The following ACOT12 variants were observed in gnomAD, a reference collection of about 807,000 sequenced individuals.
The protein encoded by ACOT12 is acyl-CoA thioesterase 12.
Under a neutral mutation model 67.7 loss-of-function variants are expected in ACOT12, and 51 were observed. The ratio of observed to expected loss-of-function variants is 0.75; its 90% CI spans 0.60 to 0.95. The LOEUF (loss-of-function observed/expected upper bound fraction) is 0.95. ACOT12 is among the 40% of genes least tolerant of loss of function. The pLI is 0.00. For synonymous variants in ACOT12, 251 were observed against 244.6 expected, an observed-to-expected ratio of 1.03 and a Z score of -0.24; for missense variants, 734 against 708.1, an observed-to-expected ratio of 1.04 and a Z score of -0.41.
downstream of ACOT12, among the ~76,000 whole-genome samples, chr5:81,325,378 T>G (rs1287335041): frequency 6.6e-6 from 1 of 152,164 alleles, no homozygotes; most frequent in Non-Finnish European, 1.5e-5. Flanking sequence ...GGTCACGAAC[T>G]TAAAGTGAGA....
rs1246527301 is a variant in ACOT12 at position 81,335,399 on chromosome 5, G to C, written c.1262+369C>G. Among the ~76,000 whole-genome samples the C allele has an allele frequency of 5.3e-5, 8 of 152,246 alleles. No homozygotes were observed. In the East Asian group the frequency reaches 1.5e-3, roughly 29 times the overall value. On this transcript the variant is annotated intron_variant, in intron 12 of 14. Transcript: ENST00000307624. ...ATTTTAATTTTTGACAGGGTCTCCTGTGTCACCCAGGCTAGAGTGCAGTGG... is the reference window on the plus strand; with the variant it reads ...ATTTTAATTTTTGACAGGGTCTCCTCTGTCACCCAGGCTAGAGTGCAGTGG...
Position 81,363,904 on chromosome 5 carries a change from A to T in ACOT12, c.259-15T>A, listed in dbSNP as rs1561340914. 6.5e-7 allele frequency: 1 copy of T among 1,549,780 alleles called. No homozygotes were observed. Among genetic ancestry groups the T allele is most frequent in the Admixed American group, 1.9e-5 (1 of 53,402 alleles). ...TTGATACTGATCTAAAATGAAAAAAAGATAAATAAATACACTCTTGGCCAG... is the reference window on the plus strand; with the variant it reads ...TTGATACTGATCTAAAATGAAAAAATGATAAATAAATACACTCTTGGCCAG... On this transcript the variant is annotated splice_polypyrimidine_tract_variant and intron_variant, in intron 3 of 14. Coordinates refer to ENST00000307624, the MANE Select transcript of ACOT12 (RefSeq NM_130767.3).
intron 5 of ACOT12, among the ~76,000 whole-genome samples, chr5:81,349,441 C>T (rs191974566): frequency 1.3e-5 from 2 of 152,230 alleles, no homozygotes; most frequent in African/African-American, 4.8e-5. Flanking sequence ...GGAAGTATTA[C>T]CTTCAACAAC....
At chr5:81,319,588 A>G in the ACOT12 span, among the ~76,000 whole-genome samples, 3 of 152,060 alleles carry the variant, frequency 2.0e-5, no homozygotes, top group Non-Finnish European at 4.4e-5. Flanking sequence ...GTTGTGGTGC[A>G]TGCCTGTAAT....
the ACOT12 span, chr5:81,308,766 A>C: frequency 6.4e-7 from 1 of 1,559,074 alleles, no homozygotes; most frequent in Non-Finnish European, 8.6e-7. Flanking sequence ...AATAAATAGC[A>C]CCTTGGGTAT....
chr5:81,364,594 A>AT (rs1491384756), intron 3 of ACOT12, among the ~76,000 whole-genome samples: 29 of 151,996 alleles, frequency 1.9e-4, no homozygotes, highest in Admixed American at 1.7e-3. Flanking sequence ...CACCCAGCTA[A>AT]TTTTTTGTAT....
rs1759301259 is a variant in ACOT12 at position 81,344,223 on chromosome 5, C to CA, written c.925-9dup. On this transcript the variant is annotated splice_polypyrimidine_tract_variant and intron_variant, in intron 8 of 14. Coordinates refer to ENST00000307624, the MANE Select transcript of ACOT12 (RefSeq NM_130767.3). ...ATAGCGTCTGAAATCATCCTTTAAT[C>CA]AAAAACAAAGTAAAATCAATAAAAT... The CA allele has an allele frequency of 3.1e-6, 5 of 1,611,032 alleles. No individual in the cohort carries two copies. The highest frequency in any genetic ancestry group is 4.2e-6 in the Non-Finnish European group (5 of 1,178,780).
the ACOT12 span, among the ~76,000 whole-genome samples, chr5:81,310,365 G>T: frequency 3.3e-5 from 5 of 152,024 alleles, no homozygotes; most frequent in East Asian, 9.7e-4. Flanking sequence ...TACATTTGAT[G>T]TATATAGAAT....
At position 81,386,994 on chromosome 5, in the gene ACOT12, C is replaced by CTTTT. The variant is rs1052387807; in HGVS notation, c.128-1169_128-1168insAAAA. On this transcript the variant is annotated intron_variant, in intron 1 of 14. Transcript: ENST00000307624. ...TCCAGACACTGAGTTGGATGAGTTC[C>CTTTT]ATTTTTTTTTTTTTTTTTTTTTTTC... 9.3e-5 allele frequency among the ~76,000 whole-genome samples: 12 copies of CTTTT among 128,474 alleles called. 1 individual carries two copies. The highest frequency in any genetic ancestry group is 2.4e-4 in the South Asian group (1 of 4,090). The allele number at this position is 128,474 out of a possible 152,430, so 84.3% of individuals were successfully genotyped here.
chr5:81,361,229 T>C lies in ACOT12; in HGVS notation c.361-1191A>G, dbSNP rs992794726. ...CACTGGTTTAACTCCTTTTTTTTTTTTGAAACAGGGTCTCACTCTGTTGCC... is the reference window on the plus strand; with the variant it reads ...CACTGGTTTAACTCCTTTTTTTTTTCTGAAACAGGGTCTCACTCTGTTGCC... On this transcript the variant is annotated intron_variant, in intron 4 of 14. Transcript: ENST00000307624. 8.6e-5 allele frequency among the ~76,000 whole-genome samples: 13 copies of C among 152,036 alleles called. No homozygotes were observed. The East Asian group carries it at 2.3e-3, about 27-fold the overall frequency.
chr5:81,342,369 A>G (rs919493425), intron 11 of ACOT12, among the ~76,000 whole-genome samples: 2 of 152,142 alleles, frequency 1.3e-5, no homozygotes, highest in African/African-American at 4.8e-5. Flanking sequence ...TTGAGGCTTT[A>G]TGGAGAAGCA....
the ACOT12 span, among the ~76,000 whole-genome samples, chr5:81,322,718 T>C: frequency 0.26 from 39,196 of 152,018 alleles, 5,551 homozygotes; most frequent in Middle Eastern, 0.39. Flanking sequence ...CTCACAGTTC[T>C]GCATAGCTGA....
chr5:81,330,908 A>C lies in ACOT12; in HGVS notation c.1424T>G (p.Ile475Ser), dbSNP rs1291303063. ...NTYTVAVKSVILPSVPPSPQY... is the reference protein window; with the variant it reads ...NTYTVAVKSVSLPSVPPSPQY... ...TGGAGACGGGGGGACCGATGGCAAA[A>C]TGACCGACTTCACTGCCACTGTGTA... is the stretch of plus-strand genomic sequence containing the variant. Residue 475 changes from isoleucine (I) to serine (S), a missense_variant, in exon 14 of 15, where the codon ATT (isoleucine) becomes AGT (serine). Ile to Ser is a moderately radical substitution (Grantham distance 142). Coordinates refer to ENST00000307624, the MANE Select transcript of ACOT12 (RefSeq NM_130767.3). 1 of 1,612,346 alleles carries C rather than the reference A, an allele frequency of 6.2e-7. No homozygotes were observed. Among genetic ancestry groups the C allele is most frequent in the Non-Finnish European group, 8.5e-7 (1 of 1,179,424 alleles).
Position 81,344,871 on chromosome 5 carries a change from C to A in ACOT12, c.924+20G>T, listed in dbSNP as rs1759324721. The stretch of plus-strand genomic sequence containing the variant: ...CTATTCACAGGTCCGGCTATTGAAC[C>A]TCGTGTGATAATAACTGACCTTTGA... On this transcript the variant is annotated intron_variant, in intron 8 of 14. Coordinates refer to ENST00000307624, the MANE Select transcript of ACOT12 (RefSeq NM_130767.3). 1.2e-6 allele frequency: 2 copies of A among 1,613,678 alleles called. No individual in the cohort carries two copies. The highest frequency in any genetic ancestry group is 1.7e-6 in the Non-Finnish European group (2 of 1,179,646).
chr5:81,324,018 T>C, the ACOT12 span, among the ~76,000 whole-genome samples: 1 of 151,900 alleles, frequency 6.6e-6, no homozygotes, highest in East Asian at 1.9e-4. Context: ...CTTGGCTCAC[T>C]GCAACCTCTG....
chr5:81,372,903 T>C (rs62366201), intron 2 of ACOT12, among the ~76,000 whole-genome samples: 65 of 152,268 alleles, frequency 4.3e-4, no homozygotes, highest in East Asian at 1.7e-3. Flanking sequence ...GGGATGTAAA[T>C]AGATAAAGCC....
the ACOT12 span, among the ~76,000 whole-genome samples, chr5:81,317,149 G>A: frequency 2.6e-5 from 4 of 152,124 alleles, no homozygotes. Flanking sequence ...TAACCCAAGA[G>A]TATTAGTCCG....
intron 1 of ACOT12, 65 bp downstream of exon 1, chr5:81,393,923 C>A (rs868405466): frequency 3.0e-5 from 39 of 1,280,750 alleles, no homozygotes; most frequent in Non-Finnish European, 3.8e-5. Context: ...CCCCCCCAGC[C>A]CCCAGCCGCC....
At chr5:81,332,025 G>C (rs900346886) in intron 13 of ACOT12, among the ~76,000 whole-genome samples, 2 of 152,172 alleles carry the variant, frequency 1.3e-5, no homozygotes, top group Non-Finnish European at 2.9e-5. Context: ...TCTCTTAGAA[G>C]CTAGCTGCCA....
Sources: allele counts gnomAD v4.1 joint callset (sites outside exome capture counted in the v4.1 genomes callset), GRCh38; gene constraint gnomAD v4.1.1; transcripts MANE v1.5; gene names NCBI Gene and HGNC (gene_info 2026-07-23, HGNC 2026-07-21).